The following PHYKPL variants were observed in gnomAD, a reference collection of about 807,000 sequenced individuals.
PHYKPL encodes 5-phosphohydroxy-L-lysine phospho-lyase, also known as 5-phosphonooxy-L-lysine phospho-lyase.
PHYKPL carries 42 observed loss-of-function variants against 51.3 expected under a neutral mutation model. The ratio of observed to expected loss-of-function variants is 0.82; its 90% CI spans 0.64 to 1.06. PHYKPL has a LOEUF of 1.06. PHYKPL is among the 50% of genes least tolerant of loss of function. PHYKPL has a pLI of 0.00. For missense variants in PHYKPL, 655 were observed against 586.6 expected, an observed-to-expected ratio of 1.12 and a Z score of -1.20; for synonymous variants, 264 against 236.0, an observed-to-expected ratio of 1.12 and a Z score of -1.09.
rs185169984 is a variant in PHYKPL at position 178,231,459 on chromosome 5, T to G, written c.124A>C (p.Met42Leu). The stretch of plus-strand genomic sequence containing the variant: ...TATTCTGCCCCCTGTTCATCGTACA[T>G]GTACTGCCCTTGGGCCCGGACAATC... ...VKIVRAQGQY[M>L]YDEQGAEYID... Residue 42 changes from methionine (M) to leucine (L), a missense_variant, in exon 2 of 13, where the codon ATG becomes CTG. Coordinates refer to ENST00000308158, the MANE Select transcript of PHYKPL (RefSeq NM_153373.4). 1 of 1,614,042 alleles carries G rather than the reference T, an allele frequency of 6.2e-7. No homozygotes were observed. The highest frequency in any genetic ancestry group is 8.5e-7 in the Non-Finnish European group (1 of 1,180,036).
chr5:178,215,041 G>A (rs1470007311), intron 9 of PHYKPL, among the ~76,000 whole-genome samples, 156 bp from the exon 10 acceptor site: 2 of 152,154 alleles, frequency 1.3e-5, no homozygotes, highest in Non-Finnish European at 2.9e-5. Flanking sequence ...TAACTGGGCT[G>A]GGAGAGATCT....
Position 178,232,784 on chromosome 5 carries a change from C to T in PHYKPL, c.-234G>A. The T allele has an allele frequency of 2.7e-6, 1 of 370,172 alleles. No homozygotes were observed. Among genetic ancestry groups the T allele is most frequent in the Non-Finnish European group, 4.6e-6 (1 of 218,964 alleles). The allele number at this position is 370,172 out of a possible 1,614,324, so 22.9% of individuals were successfully genotyped here. On this transcript the variant is annotated 5_prime_UTR_variant, in exon 1 of 13. Coordinates refer to ENST00000308158, the MANE Select transcript of PHYKPL (RefSeq NM_153373.4). The stretch of plus-strand genomic sequence containing the variant: ...GTGCCTTGGCAGTCCCGCGCAGGAA[C>T]TCGAGCGCTGCCCCGTCTCTGGTTC...
At chr5:178,222,210 G>C (rs1761301205) in intron 8 of PHYKPL, 145 bp downstream of exon 8, 1 of 654,286 alleles carries the variant, frequency 1.5e-6, no homozygotes, top group Non-Finnish European at 2.5e-6. Context: ...TACCTGACCT[G>C]GCTATAATCT....
At chr5:178,232,184 A>G in intron 1 of PHYKPL, 1 of 1,228,884 alleles carries the variant, frequency 8.1e-7, no homozygotes, top group South Asian at 2.2e-5. Flanking sequence ...TCTCCGGAGT[A>G]AAGGCTGCCA....
intron 3 of PHYKPL, among the ~76,000 whole-genome samples, chr5:178,226,927 A>G (rs1014507119): frequency 2.6e-5 from 4 of 152,130 alleles, no homozygotes; most frequent in Non-Finnish European, 4.4e-5. Context: ...ATTTATATAT[A>G]TATGTGTGTA....
In PHYKPL at chr5:178,211,952, C is replaced by T. The variant is rs763183253; in HGVS notation, c.1322G>A (p.Arg441Lys). 7 of 1,614,208 alleles carry T rather than the reference C, an allele frequency of 4.3e-6. No individual in the cohort carries two copies. Among genetic ancestry groups the T allele is most frequent in the Non-Finnish European group, 5.9e-6 (7 of 1,180,038 alleles). ...AILTDMEEKV[R>K]SCETLRLQP ...CTGGAGCCTCAGCGTTTCACAACTT[C>T]TCACCTTCTCTTCCATGTCTGAAAA... The change falls in exon 12 of 13, where the codon AGA (arginine) becomes AAA (lysine). Residue 441 changes from arginine (R) to lysine (K), a missense_variant. By Grantham distance (26) the Arg-to-Lys change is conservative. Coordinates refer to ENST00000308158, the MANE Select transcript of PHYKPL (RefSeq NM_153373.4).
intron 8 of PHYKPL, chr5:178,215,697 A>G (rs916874549): frequency 6.6e-6 from 3 of 456,442 alleles, no homozygotes; most frequent in Non-Finnish European, 3.9e-6. Context: ...GAATCAGAGG[A>G]GAGGGTGTCC....
intron 10 of PHYKPL, 76 bp downstream of exon 10, chr5:178,214,720 C>T (rs1174689268): frequency 2.2e-6 from 3 of 1,369,150 alleles, no homozygotes; most frequent in Non-Finnish European, 3.1e-6. Flanking sequence ...GATGAGGCTC[C>T]TTTCCACTGG....
At chr5:178,210,993 A>ATAT (rs1207280491) in intron 12 of PHYKPL, 9 of 235,862 alleles carry the variant, frequency 3.8e-5, no homozygotes, top group African/African-American at 1.8e-4. Context: ...TTTTAATTTT[A>ATAT]TATTATTTGC....
At chr5:178,218,280 C>T (rs1760374993) in intron 8 of PHYKPL, among the ~76,000 whole-genome samples, 1 of 148,926 alleles carries the variant, frequency 6.7e-6, no homozygotes, top group South Asian at 2.2e-4. Context: ...AGGACACAAG[C>T]ATACCAACAT....
intron 2 of PHYKPL, 93 bp downstream of exon 2, chr5:178,231,312 T>C (rs1425837341): frequency 3.1e-6 from 5 of 1,595,108 alleles, no homozygotes; most frequent in Admixed American, 1.7e-5. Context: ...ACCCAGGTTC[T>C]CCACACCTCT....
In PHYKPL at chr5:178,221,019, T is replaced by C. The variant is rs151042735; in HGVS notation, c.927+1336A>G. Among the ~76,000 whole-genome samples the C allele has an allele frequency of 4.7e-4, 72 of 152,158 alleles. 1 individual carries two copies. The highest frequency in any genetic ancestry group is 3.3e-3 in the East Asian group (17 of 5,182). On this transcript the variant is annotated intron_variant, in intron 8 of 12. Transcript: ENST00000308158. Reference sequence around the variant, plus strand: ...GGGTGGAGAAGGCAACAAGAGGGAATTGGGGGGAACATCTGGAGAGATACA... The same window carrying C: ...GGGTGGAGAAGGCAACAAGAGGGAACTGGGGGGAACATCTGGAGAGATACA...
Position 178,222,412 on chromosome 5 carries a change from G to C in PHYKPL, c.870C>G (p.Ala290=). The change falls in exon 8 of 13, where the codon GCC becomes GCG. Residue 290 remains alanine, a synonymous_variant. Coordinates refer to ENST00000308158, the MANE Select transcript of PHYKPL (RefSeq NM_153373.4). ...ATGCCCTCGCCACAGGCTGGGTTGCGGCCACGCAGGCAACAGGGTGGCCGT... is the reference window on the plus strand; with the variant it reads ...ATGCCCTCGCCACAGGCTGGGTTGCCGCCACGCAGGCAACAGGGTGGCCGT... ...IGNGHPVACV[A]ATQPVARAFE... is the part of the protein sequence containing the mutation. 6.2e-7 allele frequency: 1 copy of C among 1,614,236 alleles called. No homozygotes were observed. Among genetic ancestry groups the C allele is most frequent in the Non-Finnish European group, 8.5e-7 (1 of 1,180,038 alleles).
intron 12 of PHYKPL, chr5:178,210,053 A>C: frequency 6.4e-7 from 1 of 1,572,018 alleles, no homozygotes; most frequent in African/African-American, 1.4e-5. Flanking sequence ...CTGCCACCCC[A>C]AAGGGCAGGA....
intron 10 of PHYKPL, among the ~76,000 whole-genome samples, chr5:178,213,844 T>TA (rs1433560763): frequency 2.0e-5 from 3 of 152,254 alleles, no homozygotes; most frequent in Non-Finnish European, 4.4e-5. Flanking sequence ...ACTTTGGAGT[T>TA]AGACGGCCCT....
intron 12 of PHYKPL, chr5:178,210,623 A>AGGC: frequency 6.2e-7 from 1 of 1,613,124 alleles, no homozygotes; most frequent in Non-Finnish European, 8.5e-7. Flanking sequence ...AGCCATACTG[A>AGGC]GGCGGCAGCA....
chr5:178,231,268 A>G, intron 2 of PHYKPL, 137 bp downstream of exon 2: 2 of 1,418,306 alleles, frequency 1.4e-6, no homozygotes, highest in Non-Finnish European at 9.7e-7. Context: ...GCGAAGGCTG[A>G]GCCTCCTCTG....
Position 178,222,866 on chromosome 5 carries a change from G to C in PHYKPL, c.687C>G (p.Phe229Leu). Residue 229 changes from phenylalanine (F) to leucine (L), a missense_variant, in exon 7 of 13, where the codon TTC becomes TTG. By Grantham distance (22) the Phe-to-Leu change is conservative. Transcript: ENST00000308158. ...CACCTACTCACTCTGCCACTTGGGA[G>C]AAGTAGCCAGCAGGGGGAATGATCT... is the stretch of plus-strand genomic sequence containing the variant. Reference protein sequence around the residue: ...GGQIIPPAGYFSQVAEHIRKA... With the variant: ...GGQIIPPAGYLSQVAEHIRKA... The C allele has an allele frequency of 6.2e-7, 1 of 1,614,198 alleles. No homozygotes were observed. Among genetic ancestry groups the C allele is most frequent in the Non-Finnish European group, 8.5e-7 (1 of 1,180,024 alleles).
intron 8 of PHYKPL, among the ~76,000 whole-genome samples, chr5:178,218,211 C>T (rs1262791870): frequency 5.7e-5 from 5 of 87,980 alleles, no homozygotes; most frequent in Non-Finnish European, 6.1e-5. Context: ...AGCGAAACTC[C>T]GTCTCAAAAA....
Sources: allele counts gnomAD v4.1 joint callset (sites outside exome capture counted in the v4.1 genomes callset), GRCh38; gene constraint gnomAD v4.1.1; transcripts MANE v1.5; gene names NCBI Gene and HGNC (gene_info 2026-07-23, HGNC 2026-07-21).